Variants in CTNNA3 observed in about 807,000 individuals in gnomAD.
CTNNA3 encodes the protein catenin alpha-3.
A neutral mutation model predicts 95.7 loss-of-function variants in CTNNA3; 76 were observed. That is an observed-to-expected ratio of 0.79 (90% confidence interval 0.66 to 0.96). The LOEUF is 0.96. Ranked by LOEUF, CTNNA3 falls within the 40% of genes least tolerant of loss-of-function variation. The probability of loss-of-function intolerance (pLI) is 0.00; values close to 1 mark genes in which losing one functional copy is unlikely to be tolerated. For missense variants in CTNNA3, 1,191 were observed against 1,089.8 expected (o/e 1.09, Z -1.31); for synonymous variants, 431 against 374.4 (o/e 1.15, Z -1.74).
rs547654775 is a variant in CTNNA3, at chr10:66,521,414, T to C, written c.1375-641A>G. 9.2e-4 allele frequency among the ~76,000 whole-genome samples: 140 copies of C among 152,250 alleles called. 1 individual carries two copies. Among genetic ancestry groups the C allele is most frequent in the African/African-American group, 3.2e-3 (131 of 41,576 alleles). ...ACATTATTAACTGGTGAGAAATGGA[T>C]GCCTTTAACAGATTTTTTTTTCAAA... On this transcript the variant is annotated intron_variant, in intron 10 of 17. Coordinates refer to ENST00000433211, the MANE Select transcript of CTNNA3 (RefSeq NM_013266.4).
intron 5 of CTNNA3, among the ~76,000 whole-genome samples, chr10:67,347,537 T>C (rs1008532134): frequency 2.0e-5 from 3 of 152,186 alleles, no homozygotes; most frequent in Non-Finnish European, 4.4e-5. Context: ...AGGTGCTGGA[T>C]ATATGTTGAT....
At chr10:66,142,324 T>C (rs1021172367) in intron 13 of CTNNA3, among the ~76,000 whole-genome samples, 4 of 152,120 alleles carry the variant, frequency 2.6e-5, no homozygotes, top group African/African-American at 9.7e-5. Context: ...CTTTATTTAG[T>C]TGGGTCTATT....
intron 11 of CTNNA3, among the ~76,000 whole-genome samples, chr10:66,479,804 C>T (rs578133171): frequency 7.2e-5 from 11 of 151,952 alleles, no homozygotes; most frequent in Admixed American, 3.3e-4. Context: ...TATTCTTTTT[C>T]GAAATACTTT....
chr10:66,813,831 CGTGTGTGTGTGTGAGTGT>C (rs1452517093), intron 7 of CTNNA3, among the ~76,000 whole-genome samples: 2 of 92,550 alleles, frequency 2.2e-5, no homozygotes, highest in African/African-American at 4.6e-5. Flanking sequence ...GGGGGAAGGG[CGTGTGTGTGTGTGAGTGT>C]GTGTGTGTGT....
intron 17 of CTNNA3, among the ~76,000 whole-genome samples, chr10:65,945,258 A>G (rs932822036): frequency 3.3e-5 from 5 of 152,090 alleles, no homozygotes; most frequent in Admixed American, 3.3e-4. Context: ...AAATGGTTGG[A>G]ATTTGTTATG....
chr10:66,494,265 GT>G (rs1840030271), intron 11 of CTNNA3, among the ~76,000 whole-genome samples: 1 of 152,120 alleles, frequency 6.6e-6, no homozygotes, highest in East Asian at 1.9e-4. Context: ...GACATAATTT[GT>G]TGCTCAATAG....
chr10:66,801,896 T>C (rs1209248507), intron 7 of CTNNA3, among the ~76,000 whole-genome samples: 2 of 151,634 alleles, frequency 1.3e-5, no homozygotes, highest in Non-Finnish European at 3.0e-5. Flanking sequence ...TTAGCAAAAG[T>C]ATAAATAAGT....
intron 11 of CTNNA3, among the ~76,000 whole-genome samples, chr10:66,384,397 C>G (rs144271729): frequency 7.5e-4 from 113 of 150,876 alleles, no homozygotes; most frequent in African/African-American, 2.6e-3. Context: ...GAAGAGCTAA[C>G]TATCATATAT....
chr10:66,684,208 G>C (rs1198703915), intron 9 of CTNNA3, among the ~76,000 whole-genome samples: 2 of 152,260 alleles, frequency 1.3e-5, no homozygotes, highest in East Asian at 3.9e-4. Context: ...CACAGGGGAA[G>C]TGTGGTGCTA....
chr10:66,244,037 C>G (rs1312200297), intron 13 of CTNNA3, among the ~76,000 whole-genome samples: 1 of 151,850 alleles, frequency 6.6e-6, no homozygotes, highest in Non-Finnish European at 1.5e-5. Context: ...AGGGTGAGTC[C>G]CAGACCTTGT....
intron 9 of CTNNA3, among the ~76,000 whole-genome samples, chr10:66,664,889 TA>T (rs56801434): frequency 8.8e-4 from 118 of 134,524 alleles, no homozygotes; most frequent in Middle Eastern, 3.9e-3. Context: ...CTGAAAAAAT[TA>T]AAAAAAAAAA....
chr10:67,547,527 C>G (rs975626115), intron 3 of CTNNA3, among the ~76,000 whole-genome samples: 4 of 152,138 alleles, frequency 2.6e-5, no homozygotes, highest in Middle Eastern at 3.2e-3. Context: ...TCACCCCATT[C>G]AGAGTACTAC....
chr10:66,245,826 C>T (rs948159402), intron 13 of CTNNA3, among the ~76,000 whole-genome samples: 6 of 152,224 alleles, frequency 3.9e-5, no homozygotes, highest in Non-Finnish European at 8.8e-5. Flanking sequence ...AGGTTCTGGT[C>T]ATACTGACAT....
intron 1 of CTNNA3, among the ~76,000 whole-genome samples, chr10:67,760,616 C>G (rs1184078812): frequency 6.7e-6 from 1 of 149,972 alleles, no homozygotes; most frequent in African/African-American, 2.4e-5. Context: ...GGAACCGGGC[C>G]ACACAGCAGG....
intron 7 of CTNNA3, among the ~76,000 whole-genome samples, chr10:67,171,832 A>AAG (rs1862035010): frequency 6.6e-6 from 1 of 152,342 alleles, no homozygotes; most frequent in Admixed American, 6.5e-5. Context: ...TAAGACAGCC[A>AAG]AGATGATATG....
chr10:66,924,615 A>T (rs1194562783), intron 7 of CTNNA3, among the ~76,000 whole-genome samples: 3 of 152,222 alleles, frequency 2.0e-5, no homozygotes, highest in Non-Finnish European at 4.4e-5. Flanking sequence ...TACAATATTT[A>T]AAAATGCTCA....
At chr10:67,503,993 TA>T (rs1158381760) in intron 5 of CTNNA3, among the ~76,000 whole-genome samples, 5 of 147,432 alleles carry the variant, frequency 3.4e-5, no homozygotes, top group East Asian at 2.2e-4. Flanking sequence ...CCGTCTCTAC[TA>T]AAAATACAAA....
At chr10:66,705,787 T>C (rs900536168) in intron 9 of CTNNA3, among the ~76,000 whole-genome samples, 3 of 152,086 alleles carry the variant, frequency 2.0e-5, no homozygotes, top group African/African-American at 7.2e-5. Flanking sequence ...ATGCTACCCA[T>C]GGTTACACTG....
chr10:67,622,027 C>T (rs1346630930), intron 2 of CTNNA3, among the ~76,000 whole-genome samples: 1 of 152,156 alleles, frequency 6.6e-6, no homozygotes, highest in Non-Finnish European at 1.5e-5. Flanking sequence ...TAAAAGTTTG[C>T]CAACCACTGG....
Sources: allele counts gnomAD v4.1 joint callset (sites outside exome capture counted in the v4.1 genomes callset), GRCh38; gene constraint gnomAD v4.1.1; transcripts MANE v1.5; gene names NCBI Gene and HGNC (gene_info 2026-07-23, HGNC 2026-07-21).